PPM1E: variants seen among roughly 807,000 people sequenced by gnomAD.
PPM1E encodes protein phosphatase, Mg2+/Mn2+ dependent 1E.
A neutral mutation model predicts 65.9 loss-of-function variants in PPM1E; 20 were observed. The ratio of observed to expected loss-of-function variants is 0.30; its 90% CI spans 0.21 to 0.44. The LOEUF is 0.44. PPM1E is among the 20% of genes least tolerant of loss of function. The pLI is 1.00. For synonymous variants in PPM1E, 352 were observed against 374.9 expected, an observed-to-expected ratio of 0.94 and a Z score of 0.70; for missense variants, 713 against 953.1, an observed-to-expected ratio of 0.75 and a Z score of 3.32.
At chr17:58,831,970 G>A (rs1200841368) in intron 1 of PPM1E, among the ~76,000 whole-genome samples, 1 of 152,182 alleles carries the variant, frequency 6.6e-6, no homozygotes, top group Admixed American at 6.5e-5. Flanking sequence ...TAGGCACTGT[G>A]TTCCAAGGCA....
At chr17:58,883,227 G>T (rs1470660774) in intron 1 of PPM1E, among the ~76,000 whole-genome samples, 1 of 150,858 alleles carries the variant, frequency 6.6e-6, no homozygotes. Flanking sequence ...CCAAAGTGCT[G>T]GATTACAGGT....
intron 1 of PPM1E, among the ~76,000 whole-genome samples, chr17:58,821,738 CTT>C (rs2050482426): frequency 6.6e-6 from 1 of 152,118 alleles, no homozygotes; most frequent in African/African-American, 2.4e-5. Context: ...AATGAAGAAA[CTT>C]ATTTTGAGAC....
At chr17:58,961,358 C>T (rs2143660433) in intron 2 of PPM1E, among the ~76,000 whole-genome samples, 1 of 152,192 alleles carries the variant, frequency 6.6e-6, no homozygotes, top group East Asian at 1.9e-4. Flanking sequence ...GCAATTAAGA[C>T]AGTCTGTATC....
chr17:58,840,514 T>C (rs1280612202), intron 1 of PPM1E, among the ~76,000 whole-genome samples: 1 of 152,192 alleles, frequency 6.6e-6, no homozygotes, highest in Non-Finnish European at 1.5e-5. Flanking sequence ...GTTTCTAATA[T>C]TATTCTTCAG....
At chr17:58,786,847 ATATT>A (rs751615338) in intron 1 of PPM1E, among the ~76,000 whole-genome samples, 4 of 152,226 alleles carry the variant, frequency 2.6e-5, no homozygotes, top group Non-Finnish European at 4.4e-5. Flanking sequence ...TTTAAGTTTA[ATATT>A]TATTATTTAA....
intron 1 of PPM1E, among the ~76,000 whole-genome samples, chr17:58,889,759 A>C (rs1320304452): frequency 6.6e-6 from 1 of 152,246 alleles, no homozygotes; most frequent in African/African-American, 2.4e-5. Context: ...TTGCAAGTAC[A>C]TAGCTATCTT....
chr17:58,842,246 CA>C (rs1201800882), intron 1 of PPM1E, among the ~76,000 whole-genome samples: 1 of 152,158 alleles, frequency 6.6e-6, no homozygotes, highest in Non-Finnish European at 1.5e-5. Context: ...GAAACAATCA[CA>C]GCTAAGAGAC....
chr17:58,756,475 G>C lies in PPM1E; in HGVS notation c.464+14G>C. On this transcript the variant is annotated intron_variant, in intron 1 of 6. Coordinates refer to ENST00000308249, the MANE Select transcript of PPM1E (RefSeq NM_014906.5). ...GCTCTACAAATAGTTAAGTAGCTGG[G>C]CTTGGCTGGTGGTGGGCCCGCGGTC... 2 of 1,275,588 alleles carry C rather than the reference G, an allele frequency of 1.6e-6. No homozygotes were observed. Among genetic ancestry groups the C allele is most frequent in the Non-Finnish European group, 2.0e-6 (2 of 1,009,106 alleles). The allele number at this position is 1,275,588 out of a possible 1,614,324, so 79.0% of individuals were successfully genotyped here.
intron 1 of PPM1E, among the ~76,000 whole-genome samples, chr17:58,862,003 G>A (rs1376965651): frequency 6.6e-6 from 1 of 152,054 alleles, no homozygotes; most frequent in Non-Finnish European, 1.5e-5. Context: ...TTGGTCCTTG[G>A]GTTCTTTGTC....
At chr17:58,757,295 G>C (rs780913828) in intron 1 of PPM1E, among the ~76,000 whole-genome samples, 1 of 152,158 alleles carries the variant, frequency 6.6e-6, no homozygotes, top group Non-Finnish European at 1.5e-5. Flanking sequence ...GGGATGGGGT[G>C]GGGAGAAAGC....
chr17:58,883,911 A>G (rs1235973308), intron 1 of PPM1E, among the ~76,000 whole-genome samples: 1 of 151,824 alleles, frequency 6.6e-6, no homozygotes, highest in Admixed American at 6.6e-5. Flanking sequence ...TTGTTAGGGA[A>G]CCTTCTGACT....
rs2144117444 is a variant in PPM1E at position 58,756,356 on chromosome 17, A to C, written c.359A>C (p.Gln120Pro). ...GHSAVPPPPP[Q>P]LPPLPPLPRP... is the part of the protein sequence containing the mutation. ...TCGGCCGTGCCGCCGCCGCCGCCCC[A>C]GCTGCCGCCTTTGCCCCCGCTCCCG... The change falls in exon 1 of 7, where the codon CAG becomes CCG. Residue 120 changes from glutamine to proline, a missense_variant. By Grantham distance (76) the Gln-to-Pro change is moderately conservative (BLOSUM62 -1). Transcript: ENST00000308249. 1.5e-6 allele frequency: 2 copies of C among 1,378,052 alleles called. No homozygotes were observed. Among genetic ancestry groups the C allele is most frequent in the Non-Finnish European group, 1.9e-6 (2 of 1,069,020 alleles). The allele number at this position is 1,378,052 out of a possible 1,614,324, so 85.4% of individuals were successfully genotyped here.
intron 1 of PPM1E, among the ~76,000 whole-genome samples, chr17:58,818,198 G>C (rs576589085): frequency 6.6e-6 from 1 of 152,304 alleles, no homozygotes; most frequent in African/African-American, 2.4e-5. Flanking sequence ...CCCATGCTAA[G>C]TAAGCACATT....
intron 1 of PPM1E, among the ~76,000 whole-genome samples, chr17:58,914,519 G>T (rs1377583675): frequency 6.6e-6 from 1 of 152,096 alleles, no homozygotes; most frequent in East Asian, 1.9e-4. Context: ...ACTAGACTGG[G>T]GTTATGGGCT....
intron 1 of PPM1E, among the ~76,000 whole-genome samples, chr17:58,855,166 G>A (rs1267929031): frequency 6.6e-6 from 1 of 152,108 alleles, no homozygotes; most frequent in African/African-American, 2.4e-5. Context: ...GAAGGGAAAG[G>A]GGAAAAGGAA....
chr17:58,826,304 C>CA (rs11479413), intron 1 of PPM1E, among the ~76,000 whole-genome samples: 5,384 of 110,898 alleles, frequency 0.049, 145 homozygotes, highest in Non-Finnish European at 0.069. Context: ...GACTCGATCT[C>CA]AAAAAAAAAA....
intron 1 of PPM1E, among the ~76,000 whole-genome samples, 199 bp downstream of exon 1, chr17:58,756,660 G>T (rs1032837390): frequency 1.1e-3 from 159 of 151,054 alleles, no homozygotes; most frequent in Non-Finnish European, 1.7e-3. Flanking sequence ...CGGCCCCCAC[G>T]CCCGCCTCGG....
intron 3 of PPM1E, among the ~76,000 whole-genome samples, chr17:58,968,207 T>C (rs1290856659): frequency 6.6e-6 from 1 of 152,184 alleles, no homozygotes; most frequent in Non-Finnish European, 1.5e-5. Context: ...AACATTTTGG[T>C]TATTATTCTA....
intron 1 of PPM1E, among the ~76,000 whole-genome samples, chr17:58,786,671 C>G (rs2050104012): frequency 1.3e-5 from 2 of 152,090 alleles, no homozygotes; most frequent in Non-Finnish European, 2.9e-5. Context: ...TTGCAGTTGA[C>G]CATGGGTAAC....
Sources: gnomAD v4.1 joint callset for allele counts (sites outside exome capture counted in the v4.1 genomes callset) on GRCh38, gnomAD v4.1.1 for gene constraint, MANE v1.5 for transcripts, NCBI Gene and HGNC (gene_info 2026-07-23, HGNC 2026-07-21) for gene names.